The following LRBA variants were observed in gnomAD, a reference collection of about 807,000 sequenced individuals.
LRBA encodes the protein lipopolysaccharide-responsive and beige-like anchor protein.
A neutral mutation model predicts 330.0 loss-of-function variants in LRBA; 176 were observed. That is an observed-to-expected ratio of 0.53 (90% CI 0.47 to 0.60). The LOEUF is 0.60. Ranked by LOEUF, LRBA falls within the 20% of genes least tolerant of loss-of-function variation. The pLI is 0.00. For missense variants in LRBA, 3,259 were observed against 3,444.8 expected (o/e 0.95, Z 1.35); for synonymous variants, 1,230 against 1,193.0 (o/e 1.03, Z -0.64).
chr4:150,996,024 G>T (rs1347996819), intron 2 of LRBA, among the ~76,000 whole-genome samples: 1 of 144,856 alleles, frequency 6.9e-6, no homozygotes, highest in East Asian at 2.0e-4. Context: ...GAAATGAAGT[G>T]ATTCAGAAGA....
intron 44 of LRBA, among the ~76,000 whole-genome samples, chr4:150,453,182 A>G (rs573893942): frequency 3.9e-5 from 6 of 152,278 alleles, no homozygotes; most frequent in Non-Finnish European, 1.5e-5. Flanking sequence ...TTTAAAAATT[A>G]GAAATTAACA....
At chr4:150,727,887 T>C (rs183525788) in intron 36 of LRBA, among the ~76,000 whole-genome samples, 10 of 152,098 alleles carry the variant, frequency 6.6e-5, no homozygotes, top group Admixed American at 6.5e-4. Flanking sequence ...TAAATGAATT[T>C]GAAATGAAGA....
chr4:150,395,492 G>T (rs982897093), intron 47 of LRBA, among the ~76,000 whole-genome samples: 2 of 151,992 alleles, frequency 1.3e-5, no homozygotes, highest in South Asian at 4.2e-4. Context: ...TAACTGTTAT[G>T]GCCTCCTAAT....
At position 151,009,028 on chromosome 4, in the gene LRBA, A is replaced by ATATATATATAT. The variant is rs1162834506; in HGVS notation, c.216+5398_216+5399insATATATATATA. 7.3e-4 allele frequency among the ~76,000 whole-genome samples: 9 copies of ATATATATATAT among 12,344 alleles called. 1 individual carries two copies. Among genetic ancestry groups the ATATATATATAT allele is most frequent in the South Asian group, 0.018 (2 of 110 alleles). 8.1% of individuals were successfully genotyped at this position (12,344 alleles called of 152,430 possible). On this transcript the variant is annotated intron_variant, in intron 2 of 56. Transcript: ENST00000651943. ...ATATATATATATATATATATATATA[A>ATATATATATAT]AATGGTATTTTTTTTTCTTATACAG...
Position 150,803,095 on chromosome 4 carries a change from C to T in LRBA, c.5518+3176G>A, listed in dbSNP as rs1267132413. On this transcript the variant is annotated intron_variant, in intron 33 of 56. Coordinates refer to ENST00000651943, the MANE Select transcript of LRBA (RefSeq NM_001364905.1). ...AAAAAAATATATATACACACACACA[C>T]ACACACACACACACATATATACACA... Among the ~76,000 whole-genome samples the T allele has an allele frequency of 1.0e-4, 15 of 146,134 alleles. 1 individual carries two copies. The highest frequency in any genetic ancestry group is 4.3e-4 in the South Asian group (2 of 4,636).
At chr4:151,014,290 A>T (rs1056926562) in intron 2 of LRBA, 137 bp downstream of exon 2, 2 of 627,346 alleles carry the variant, frequency 3.2e-6, no homozygotes, top group African/African-American at 1.8e-5. Flanking sequence ...TGTTTCATTT[A>T]GGTGAGTAGA....
At chr4:150,388,937 C>A (rs11933088) in intron 47 of LRBA, among the ~76,000 whole-genome samples, 33,152 of 152,080 alleles carry the variant, frequency 0.22, 4,437 homozygotes, top group Non-Finnish European at 0.31. Flanking sequence ...ATGGACCATG[C>A]AGGTTTCCAT....
chr4:150,810,876 A>G lies in LRBA; in HGVS notation c.5306-2478T>C, dbSNP rs538075049. ...CTTGGCCTCCCAAAGTGCGAGGGTT[A>G]TAGGTGTGAGTCACCATGCCCAGCC... On this transcript the variant is annotated intron_variant, in intron 31 of 56. Coordinates refer to ENST00000651943, the MANE Select transcript of LRBA (RefSeq NM_001364905.1). Among the ~76,000 whole-genome samples, 12 of 152,334 alleles carry G rather than the reference A, an allele frequency of 7.9e-5. No individual in the cohort carries two copies. In the South Asian group the frequency reaches 1.7e-3, roughly 21 times the overall value.
At chr4:150,932,937 A>G (rs1331546134) in intron 2 of LRBA, among the ~76,000 whole-genome samples, 1 of 152,064 alleles carries the variant, frequency 6.6e-6, no homozygotes, top group Non-Finnish European at 1.5e-5. Flanking sequence ...AAGAAAAACA[A>G]AAAAATAGCA....
chr4:150,271,733 A>C (rs1281765462), intron 56 of LRBA, among the ~76,000 whole-genome samples: 1 of 152,174 alleles, frequency 6.6e-6, no homozygotes, highest in Non-Finnish European at 1.5e-5. Context: ...GGTGTAAACA[A>C]AGCCTCTGGG....
intron 53 of LRBA, among the ~76,000 whole-genome samples, chr4:150,296,991 A>T (rs1729060797): frequency 7.6e-6 from 1 of 132,440 alleles, no homozygotes; most frequent in Admixed American, 9.0e-5. Flanking sequence ...AGGAATTTTT[A>T]CTTTCTTAGA....
At chr4:150,618,846 A>ATG (rs1266017584) in intron 37 of LRBA, among the ~76,000 whole-genome samples, 3 of 38,342 alleles carry the variant, frequency 7.8e-5, no homozygotes, top group African/African-American at 1.4e-4. Flanking sequence ...ATATGTGTGT[A>ATG]TGTATATATA....
intron 34 of LRBA, among the ~76,000 whole-genome samples, chr4:150,771,748 T>C (rs1736594633): frequency 6.6e-6 from 1 of 152,184 alleles, no homozygotes; most frequent in Admixed American, 6.5e-5. Context: ...CAGGTTGGCT[T>C]GCTGAGTGGA....
At chr4:150,324,343 T>C (rs1263330956) in intron 49 of LRBA, among the ~76,000 whole-genome samples, 1 of 152,202 alleles carries the variant, frequency 6.6e-6, no homozygotes, top group East Asian at 1.9e-4. Flanking sequence ...GGCACTATCT[T>C]CCATTGTTCT....
At chr4:150,816,405 C>T (rs553860657) in intron 31 of LRBA, among the ~76,000 whole-genome samples, 10 of 151,940 alleles carry the variant, frequency 6.6e-5, no homozygotes, top group Admixed American at 2.6e-4. Context: ...TTTAATACTG[C>T]ACATTCTTCA....
At chr4:150,416,544 TTAAC>T (rs1747781589) in intron 46 of LRBA, among the ~76,000 whole-genome samples, 1 of 152,078 alleles carries the variant, frequency 6.6e-6, no homozygotes. Flanking sequence ...ATCACATTAA[TTAAC>T]TAAGCAGGGT....
At chr4:150,754,251 G>C (rs543832675) in intron 35 of LRBA, among the ~76,000 whole-genome samples, 1 of 151,812 alleles carries the variant, frequency 6.6e-6, no homozygotes, top group East Asian at 1.9e-4. Context: ...CAAAACATAT[G>C]AATAAAATAA....
chr4:150,534,354 TAATAATAATAATA>T (rs1764393550), intron 40 of LRBA, among the ~76,000 whole-genome samples: 1 of 147,240 alleles, frequency 6.8e-6, no homozygotes, highest in Non-Finnish European at 1.5e-5. Flanking sequence ...ATAATAATAA[TAATAATAATAATA>T]ATAATAATAA....
At chr4:150,507,020 G>T (rs1761179260) in intron 40 of LRBA, among the ~76,000 whole-genome samples, 1 of 151,422 alleles carries the variant, frequency 6.6e-6, no homozygotes, top group African/African-American at 2.4e-5. Flanking sequence ...CAACTTACAA[G>T]GGATGTGAAG....
Sources: allele counts gnomAD v4.1 joint callset (sites outside exome capture counted in the v4.1 genomes callset), GRCh38; gene constraint gnomAD v4.1.1; transcripts MANE v1.5; gene names NCBI Gene and HGNC (gene_info 2026-07-23, HGNC 2026-07-21).